The following CIMAP2 variants were observed in gnomAD, a reference collection of about 807,000 sequenced individuals.
The protein encoded by CIMAP2 is ciliary microtubule associated protein 2, also known as ciliary microtubule-associated protein 2.
the CIMAP2 span, chr1:54,811,764 A>AGCCGGGGGGGGGGGCCG: frequency 9.1e-7 from 1 of 1,097,914 alleles, no homozygotes; most frequent in Non-Finnish European, 1.3e-6. Flanking sequence ...TGGTTCTGAC[A>AGCCGGGGGGGGGGGCCG]GCCTCCATGC....
chr1:54,807,938 A>G, the CIMAP2 span: 2 of 1,609,558 alleles, frequency 1.2e-6, no homozygotes, highest in Non-Finnish European at 1.7e-6. Flanking sequence ...TTCTTAGAAC[A>G]GCTGCGGGAG....
At chr1:54,828,297 AAATT>A in the CIMAP2 span, among the ~76,000 whole-genome samples, 1,514 of 152,308 alleles carry the variant, frequency 9.9e-3, 59 homozygotes, top group East Asian at 0.12. Flanking sequence ...AACAAATGGA[AAATT>A]AATTGAGGCA....
the CIMAP2 span, among the ~76,000 whole-genome samples, chr1:54,817,577 G>A: frequency 6.6e-6 from 1 of 152,116 alleles, no homozygotes; most frequent in Non-Finnish European, 1.5e-5. Flanking sequence ...GAAGGGAAAG[G>A]TACATTAAAT....
At chr1:54,806,226 GC>G in the CIMAP2 span, 2 of 1,522,592 alleles carry the variant, frequency 1.3e-6, no homozygotes, top group South Asian at 1.2e-5. Flanking sequence ...CACAGGTGGG[GC>G]CCGTTTGCGT....
the CIMAP2 span, chr1:54,817,164 G>C: frequency 6.2e-7 from 1 of 1,609,792 alleles, no homozygotes; most frequent in South Asian, 1.1e-5. Context: ...CGAGGGCGGT[G>C]GGGGGTCTTA....
chr1:54,814,853 T>TG, the CIMAP2 span: 1 of 1,608,588 alleles, frequency 6.2e-7, no homozygotes, highest in Admixed American at 1.7e-5. Flanking sequence ...TCACCTGCCC[T>TG]GGGCCCAGGC....
At chr1:54,819,922 C>A in the CIMAP2 span, among the ~76,000 whole-genome samples, 3 of 104,398 alleles carry the variant, frequency 2.9e-5, no homozygotes, top group Non-Finnish European at 5.5e-5. Flanking sequence ...TCCCTCCCTC[C>A]CCCCCATATT....
At chr1:54,812,198 C>A in the CIMAP2 span, 26 of 1,614,036 alleles carry the variant, frequency 1.6e-5, no homozygotes, top group Non-Finnish European at 2.1e-5. Context: ...AGGTGTGTAC[C>A]CAGGGGTTGA....
chr1:54,811,773 G>GACCCCCCCC, the CIMAP2 span: 2 of 1,325,050 alleles, frequency 1.5e-6, no homozygotes, highest in South Asian at 1.3e-5. Flanking sequence ...CAGCCTCCAT[G>GACCCCCCCC]CCCCCACCCC....
At chr1:54,826,145 A>G in the CIMAP2 span, among the ~76,000 whole-genome samples, 3 of 152,026 alleles carry the variant, frequency 2.0e-5, no homozygotes, top group Non-Finnish European at 4.4e-5. Flanking sequence ...ACCAGAGTTC[A>G]GGTAGGGTGG....
chr1:54,811,773 G>GGGC, the CIMAP2 span: 1 of 1,325,052 alleles, frequency 7.5e-7, no homozygotes, highest in Non-Finnish European at 1.0e-6. Context: ...CAGCCTCCAT[G>GGGC]CCCCCACCCC....
the CIMAP2 span, chr1:54,812,251 G>A: frequency 6.2e-7 from 1 of 1,600,060 alleles, no homozygotes; most frequent in South Asian, 1.1e-5. Context: ...GGCCTCACTA[G>A]TCAGCACCAG....
chr1:54,825,866 G>A, the CIMAP2 span, among the ~76,000 whole-genome samples: 3 of 151,974 alleles, frequency 2.0e-5, no homozygotes, highest in African/African-American at 2.4e-5. Flanking sequence ...CCAGTCCCAG[G>A]CTCCTGGGTG....
At chr1:54,818,571 C>T in the CIMAP2 span, among the ~76,000 whole-genome samples, 1 of 152,114 alleles carries the variant, frequency 6.6e-6, no homozygotes, top group African/African-American at 2.4e-5. Context: ...AGTTCTGTGT[C>T]ATGTATGCAG....
the CIMAP2 span, among the ~76,000 whole-genome samples, chr1:54,821,894 T>TGTCTGACTGCTC: frequency 2.5e-5 from 2 of 79,344 alleles, no homozygotes; most frequent in African/African-American, 6.6e-5. Flanking sequence ...TTCTTTTTTT[T>TGTCTGACTGCTC]TTTTTTTTTT....
chr1:54,838,495 A>T, the CIMAP2 span, among the ~76,000 whole-genome samples: 9,438 of 150,798 alleles, frequency 0.063, 834 homozygotes, highest in African/African-American at 0.18. Flanking sequence ...TAAAAAAAAA[A>T]ATCATCTCTC....
chr1:54,828,433 T>C, the CIMAP2 span, among the ~76,000 whole-genome samples: 1 of 152,122 alleles, frequency 6.6e-6, no homozygotes, highest in Non-Finnish European at 1.5e-5. Flanking sequence ...CCAGGCTCAA[T>C]AGACCATCCT....
the CIMAP2 span, chr1:54,811,769 C>CGGGGGGG: frequency 2.0e-6 from 1 of 510,022 alleles, no homozygotes; most frequent in Non-Finnish European, 3.9e-6. Flanking sequence ...CTGACAGCCT[C>CGGGGGGG]CATGCCCCCA....
the CIMAP2 span, among the ~76,000 whole-genome samples, chr1:54,839,528 C>T: frequency 6.6e-6 from 1 of 152,006 alleles, no homozygotes; most frequent in Non-Finnish European, 1.5e-5. Flanking sequence ...CAGGCACCTG[C>T]CACCACGCCC....
Sources: gnomAD v4.1 joint callset for allele counts (sites outside exome capture counted in the v4.1 genomes callset) on GRCh38, gnomAD v4.1.1 for gene constraint, MANE v1.5 for transcripts, NCBI Gene and HGNC (gene_info 2026-07-23, HGNC 2026-07-21) for gene names.